Variants in ZPLD1 observed in about 807,000 individuals in gnomAD.
The protein encoded by ZPLD1 is zona pellucida like domain containing 1.
A neutral mutation model predicts 47.2 loss-of-function variants in ZPLD1; 34 were observed. The ratio of observed to expected loss-of-function variants is 0.72; its 90% CI spans 0.55 to 0.96. ZPLD1 has a LOEUF of 0.96. Ranked by LOEUF, ZPLD1 falls within the 40% of genes least tolerant of loss-of-function variation. The probability of loss-of-function intolerance (pLI) is 0.00; values close to 1 mark genes in which losing one functional copy is unlikely to be tolerated. For missense variants in ZPLD1, 512 were observed against 505.8 expected (o/e 1.01, Z -0.12); for synonymous variants, 176 against 186.2 (o/e 0.95, Z 0.45).
intron 1 of ZPLD1, among the ~76,000 whole-genome samples, chr3:102,436,329 CTG>C (rs571615259): frequency 9.2e-5 from 14 of 152,112 alleles, no homozygotes; most frequent in Non-Finnish European, 1.8e-4. Flanking sequence ...ACAATTCTCT[CTG>C]TCTCTTTTTT....
At chr3:102,456,591 A>ATCTATCTC (rs1707421367) in intron 5 of ZPLD1, among the ~76,000 whole-genome samples, 1 of 145,008 alleles carries the variant, frequency 6.9e-6, no homozygotes, top group Non-Finnish European at 1.5e-5. Flanking sequence ...CTATCTATCT[A>ATCTATCTC]TCTCTAATTG....
intron 3 of ZPLD1, among the ~76,000 whole-genome samples, chr3:102,452,294 G>A (rs1229337207): frequency 1.3e-5 from 2 of 150,070 alleles, no homozygotes; most frequent in Non-Finnish European, 3.0e-5. Flanking sequence ...ATAGTCATTG[G>A]CAAAATTTTC....
At chr3:102,407,891 C>T (rs1706708738) in intron 7 of ZPLD1, among the ~76,000 whole-genome samples, 1 of 151,880 alleles carries the variant, frequency 6.6e-6, no homozygotes, top group African/African-American at 2.4e-5. Flanking sequence ...CAGCACGATG[C>T]AATGAGGCTC....
intron 6 of ZPLD1, among the ~76,000 whole-genome samples, chr3:102,387,694 T>C (rs558342430): frequency 2.0e-5 from 3 of 152,258 alleles, no homozygotes; most frequent in Non-Finnish European, 4.4e-5. Flanking sequence ...ACCTGGTAAA[T>C]TTTAATCCCT....
intron 7 of ZPLD1, among the ~76,000 whole-genome samples, chr3:102,412,695 T>A (rs1706759031): frequency 6.6e-6 from 1 of 151,704 alleles, no homozygotes; most frequent in Admixed American, 6.6e-5. Context: ...TTGCTGATAG[T>A]CATAGTTGCT....
intron 8 of ZPLD1, among the ~76,000 whole-genome samples, chr3:102,468,433 G>T: frequency 6.6e-6 from 1 of 152,156 alleles, no homozygotes; most frequent in Admixed American, 6.5e-5. Flanking sequence ...TGTCCATGAT[G>T]AAATACTATA....
Position 102,452,927 on chromosome 3 carries a change from G to C in ZPLD1, c.115G>C (p.Asp39His). The C allele has an allele frequency of 2.5e-6, 4 of 1,613,566 alleles. No homozygotes were observed. The highest frequency in any genetic ancestry group is 3.4e-6 in the Non-Finnish European group (4 of 1,179,674). ...NLHSRFPAER[D>H]ISVYCGVQAI... ...ATATATTTTTATTTCAGCTGAAAGA[G>C]ACATCAGTGTCTATTGTGGAGTGCA... The change falls in exon 4 of 12, where the codon GAC (aspartate) becomes CAC (histidine). Residue 39 changes from aspartate to histidine, a missense_variant. Asp to His is a moderately conservative substitution (Grantham distance 81). Coordinates refer to ENST00000466937, the MANE Select transcript of ZPLD1 (RefSeq NM_001329788.2).
At chr3:102,433,196 TC>T (rs1281165500), upstream of ZPLD1, among the ~76,000 whole-genome samples, 1 of 152,210 alleles carries the variant, frequency 6.6e-6, no homozygotes, top group East Asian at 1.9e-4. Context: ...GCAATACTGA[TC>T]AAATTTACCA....
rs140794333 is a variant in ZPLD1 at position 102,477,522 on chromosome 3, G to A, written c.1152G>A (p.Thr384=). 1,801 of 1,613,738 alleles carry A rather than the reference G, an allele frequency of 1.1e-3. 1 individual carries two copies. Among genetic ancestry groups the A allele is most frequent in the Non-Finnish European group, 1.1e-3 (1,295 of 1,179,746 alleles). Residue 384 remains threonine (T), a synonymous_variant, in exon 12 of 12, where the codon ACG becomes ACA. Coordinates refer to ENST00000466937, the MANE Select transcript of ZPLD1 (RefSeq NM_001329788.2). ...CAGGAATGGTCATTCTGGGAGTTAC[G>A]AGCTTTTCTCTTCTTCTGTGCTCAC... is the stretch of plus-strand genomic sequence containing the variant. ...LISGMVILGV[T]SFSLLLCSLA... is the part of the protein sequence containing the mutation.
chr3:102,474,641 C>A (rs1008655424), intron 10 of ZPLD1, among the ~76,000 whole-genome samples: 9 of 151,998 alleles, frequency 5.9e-5, no homozygotes, highest in African/African-American at 2.2e-4. Context: ...AAAAATTATT[C>A]TGCATGTATC....
intron 7 of ZPLD1, 43 bp downstream of exon 7, chr3:102,462,421 C>A: frequency 7.4e-7 from 1 of 1,351,488 alleles, no homozygotes; most frequent in Non-Finnish European, 1.0e-6. Flanking sequence ...AACTCTTTGA[C>A]TGCCTAAATC....
intron 7 of ZPLD1, among the ~76,000 whole-genome samples, chr3:102,411,890 A>T (rs1706751292): frequency 6.6e-6 from 1 of 151,746 alleles, no homozygotes; most frequent in South Asian, 2.1e-4. Context: ...ATGTCTCTCT[A>T]TCAATTTATA....
At chr3:102,443,991 C>T (rs779613130) in intron 3 of ZPLD1, among the ~76,000 whole-genome samples, 2 of 152,218 alleles carry the variant, frequency 1.3e-5, no homozygotes, top group Non-Finnish European at 2.9e-5. Context: ...CAGATCCAGG[C>T]AGCTATTGCT....
intron 7 of ZPLD1, among the ~76,000 whole-genome samples, chr3:102,403,579 TC>T (rs1323032923): frequency 1.3e-5 from 2 of 151,968 alleles, no homozygotes. Flanking sequence ...TATTAATTTT[TC>T]CTTTTGATCT....
chr3:102,417,194 C>CT (rs575106235), intron 7 of ZPLD1, among the ~76,000 whole-genome samples: 15 of 151,836 alleles, frequency 9.9e-5, no homozygotes, highest in Non-Finnish European at 1.9e-4. Flanking sequence ...GCGCAATGTG[C>CT]TTTTTTCAGG....
chr3:102,453,130 C>A lies in ZPLD1; in HGVS notation c.318C>A (p.Asn106Lys), dbSNP rs1707364232. The A allele has an allele frequency of 6.2e-7, 1 of 1,613,920 alleles. No homozygotes were observed. Among genetic ancestry groups the A allele is most frequent in the Non-Finnish European group, 8.5e-7 (1 of 1,179,876 alleles). The stretch of plus-strand genomic sequence containing the variant: ...TCAGCACCTTGGAGGGCTGTGGAAA[C>A]AACCTGGTGGTAAGATTAGTGTGAC... ...INLSTLEGCG[N>K]NLVVSTIPGV... Residue 106 changes from asparagine to lysine, a missense_variant, in exon 4 of 12, where the codon AAC (asparagine) becomes AAA (lysine). By Grantham distance (94) the Asn-to-Lys change is moderately conservative. Coordinates refer to ENST00000466937, the MANE Select transcript of ZPLD1 (RefSeq NM_001329788.2).
At chr3:102,387,219 C>T (rs1483053268) in intron 6 of ZPLD1, among the ~76,000 whole-genome samples, 1 of 152,184 alleles carries the variant, frequency 6.6e-6, no homozygotes, top group Non-Finnish European at 1.5e-5. Flanking sequence ...TGTCCCAAGT[C>T]TCCCCAAATC....
chr3:102,413,605 A>C (rs1382192870), intron 7 of ZPLD1, among the ~76,000 whole-genome samples: 1 of 151,710 alleles, frequency 6.6e-6, no homozygotes, highest in South Asian at 2.1e-4. Flanking sequence ...TGCTGGGCCC[A>C]ATGGACATTC....
chr3:102,435,792 G>A (rs1010835107), intron 1 of ZPLD1, among the ~76,000 whole-genome samples: 8 of 151,910 alleles, frequency 5.3e-5, no homozygotes, highest in Non-Finnish European at 1.2e-4. Flanking sequence ...ACAGGCTCCC[G>A]CCACCACGCC....
Sources: gnomAD v4.1 joint callset for allele counts (sites outside exome capture counted in the v4.1 genomes callset) on GRCh38, gnomAD v4.1.1 for gene constraint, MANE v1.5 for transcripts, NCBI Gene and HGNC (gene_info 2026-07-23, HGNC 2026-07-21) for gene names.